CACNA1S: variants seen among roughly 807,000 people sequenced by gnomAD.
CACNA1S encodes the protein calcium voltage-gated channel subunit alpha1 S, also known as voltage-dependent L-type calcium channel subunit alpha-1S.
In CACNA1S, 126 loss-of-function variants were observed where a neutral mutation model predicts 207.4. The observed-to-expected ratio is 0.61, with a 90% CI of 0.53 to 0.70. The LOEUF is 0.70. Ranked by LOEUF, CACNA1S falls within the 30% of genes least tolerant of loss-of-function variation. The pLI is 0.00. For missense variants in CACNA1S, 2,349 were observed against 2,422.8 expected (o/e 0.97, Z 0.64); for synonymous variants, 960 against 932.7 (o/e 1.03, Z -0.53).
At chr1:201,081,492 C>T (rs964443794) in intron 10 of CACNA1S, among the ~76,000 whole-genome samples, 61 of 152,306 alleles carry the variant, frequency 4.0e-4, no homozygotes, top group African/African-American at 1.4e-3. Context: ...ACCATGTGGA[C>T]GAGGCCGACT....
chr1:201,087,325 G>T (rs1489019630), intron 7 of CACNA1S, among the ~76,000 whole-genome samples: 7 of 152,182 alleles, frequency 4.6e-5, no homozygotes, highest in Non-Finnish European at 1.0e-4. Flanking sequence ...AGCTCACACA[G>T]CCACCAAGCA....
chr1:201,053,154 C>A lies in CACNA1S; in HGVS notation c.3861+55G>T. ...TCAGGCTCCTCAGGGTCCACTGATG[C>A]CCCCTCTAACTTGGCCAAGATCCAT... On this transcript the variant is annotated intron_variant, in intron 31 of 43. Coordinates refer to ENST00000362061, the MANE Select transcript of CACNA1S (RefSeq NM_000069.3). The surrounding 1 kb of genome is among the most constrained non-coding windows in gnomAD (Gnocchi z 5.1). 1.3e-6 allele frequency: 2 copies of A among 1,585,544 alleles called. No homozygotes were observed. Among genetic ancestry groups the A allele is most frequent in the Non-Finnish European group, 1.7e-6 (2 of 1,154,030 alleles).
chr1:201,094,633 G>T lies in CACNA1S; in HGVS notation c.259-612C>A, dbSNP rs530629964. On this transcript the variant is annotated intron_variant, in intron 2 of 43. Coordinates refer to ENST00000362061, the MANE Select transcript of CACNA1S (RefSeq NM_000069.3). ...TCCAGATGCCTTCCCTTGCTGGGCA[G>T]TGTTGCTCTTTAATTCATTTTCCTT... 3.2e-3 allele frequency among the ~76,000 whole-genome samples: 480 copies of T among 152,266 alleles called. 2 individuals carry two copies. The highest frequency in any genetic ancestry group is 4.3e-3 in the Non-Finnish European group (290 of 68,020).
At chr1:201,046,591 G>A (rs2102552336) in intron 38 of CACNA1S, among the ~76,000 whole-genome samples, 1 of 151,788 alleles carries the variant, frequency 6.6e-6, no homozygotes, top group Middle Eastern at 3.4e-3. Flanking sequence ...CGCCCAGGCT[G>A]AGGTTCAGTG....
chr1:201,065,833 C>T lies in CACNA1S; in HGVS notation c.2853+5G>A. ...GGGGAGCTGCTCGCGCAGGCTGGGG[C>T]TCACCTTGAAGAGCTGGACGCCGAT... On this transcript the variant is annotated splice_donor_5th_base_variant and intron_variant, in intron 22 of 43. Coordinates refer to ENST00000362061, the MANE Select transcript of CACNA1S (RefSeq NM_000069.3). 6.2e-7 allele frequency: 1 copy of T among 1,609,618 alleles called. No homozygotes were observed. Among genetic ancestry groups the T allele is most frequent in the Non-Finnish European group, 8.5e-7 (1 of 1,175,896 alleles).
At position 201,061,082 on chromosome 1, in the gene CACNA1S, C is replaced by G. The variant is rs61451656; in HGVS notation, c.3255+185G>C. On this transcript the variant is annotated intron_variant, in intron 25 of 43. Transcript: ENST00000362061. Reference sequence around the variant, plus strand: ...CATCATGAGGTTCCACAAGAAGACCCACTCTACCAACTTGTATTGCTTCAG... The same window carrying G: ...CATCATGAGGTTCCACAAGAAGACCGACTCTACCAACTTGTATTGCTTCAG... Among the ~76,000 whole-genome samples, 638 of 152,300 alleles carry G rather than the reference C, an allele frequency of 4.2e-3. 5 individuals are homozygous for G. Among genetic ancestry groups the G allele is most frequent in the African/African-American group, 0.015 (612 of 41,570 alleles).
intron 10 of CACNA1S, among the ~76,000 whole-genome samples, chr1:201,080,277 C>T (rs114697229): frequency 3.7e-4 from 56 of 152,312 alleles, no homozygotes; most frequent in African/African-American, 1.3e-3. Flanking sequence ...GGATACTGCT[C>T]ATCCTCCCCC....
In CACNA1S at chr1:201,083,433, C is replaced by T. The variant is rs147434169; in HGVS notation, c.1233-111G>A. On this transcript the variant is annotated intron_variant, in intron 9 of 43. Coordinates refer to ENST00000362061, the MANE Select transcript of CACNA1S (RefSeq NM_000069.3). ...ATGCGTAGCCTGACCACCCCACTTC[C>T]GCCAGCCACATGAGAGAAGCTCAGG... 9.7e-3 allele frequency: 10,606 copies of T among 1,096,874 alleles called. 110 individuals carry two copies. The highest frequency in any genetic ancestry group is 0.01 in the Non-Finnish European group (7,377 of 715,480). The allele number at this position is 1,096,874 out of a possible 1,614,324, so 67.9% of individuals were successfully genotyped here.
At chr1:201,078,209 TC>T in intron 10 of CACNA1S, 105 bp from the exon 11 acceptor site, 1 of 897,672 alleles carries the variant, frequency 1.1e-6, no homozygotes, top group Non-Finnish European at 1.9e-6. Flanking sequence ...TTCCCTTGTT[TC>T]CAAGGCACCA....
intron 10 of CACNA1S, among the ~76,000 whole-genome samples, chr1:201,080,989 G>A (rs1446353850): frequency 6.6e-6 from 1 of 152,194 alleles, no homozygotes; most frequent in East Asian, 1.9e-4. Context: ...GCACTGATAG[G>A]ATTTTGATTT....
chr1:201,043,766 G>A lies in CACNA1S; in HGVS notation c.4798-235C>T, dbSNP rs567279302. Reference sequence around the variant, plus strand: ...CTAAGGAGGTATATAGGGGACACAGGCACACAGAAGAGAAGTGTGGTGTAG... The same window carrying A: ...CTAAGGAGGTATATAGGGGACACAGACACACAGAAGAGAAGTGTGGTGTAG... On this transcript the variant is annotated intron_variant, in intron 39 of 43. Transcript: ENST00000362061. Among the ~76,000 whole-genome samples, 27 of 152,304 alleles carry A rather than the reference G, an allele frequency of 1.8e-4. 1 individual carries two copies. Among genetic ancestry groups the A allele is most frequent in the African/African-American group, 6.0e-4 (25 of 41,572 alleles).
At chr1:201,046,389 C>T (rs1007519079) in intron 38 of CACNA1S, among the ~76,000 whole-genome samples, 1 of 152,148 alleles carries the variant, frequency 6.6e-6, no homozygotes, top group Admixed American at 6.5e-5. Flanking sequence ...CCATCTTGCC[C>T]AGGCTGGTCT....
At position 201,083,215 on chromosome 1, in the gene CACNA1S, A is replaced by G. The variant is rs1482731235; in HGVS notation, c.1340T>C (p.Leu447Pro). Residue 447 changes from leucine (L) to proline (P), a missense_variant, in exon 10 of 44, where the codon CTG becomes CCG. Physicochemically the swap from Leu to Pro is moderately conservative, Grantham distance 98. Coordinates refer to ENST00000362061, the MANE Select transcript of CACNA1S (RefSeq NM_000069.3). Reference sequence around the variant, plus strand: ...GTTGTGGTGCTCTGAGGCGATAGACAGGGTGTTGAGGGCAACGATGAGAAT... The same window carrying G: ...GTTGTGGTGCTCTGAGGCGATAGACGGGGTGTTGAGGGCAACGATGAGAAT... ...LVILIVALNT[L>P]SIASEHHNQP... is the part of the protein sequence containing the mutation. 31 of 1,614,086 alleles carry G rather than the reference A, an allele frequency of 1.9e-5. No individual in the cohort carries two copies. The highest frequency in any genetic ancestry group is 2.6e-5 in the Non-Finnish European group (31 of 1,180,054).
intron 1 of CACNA1S, among the ~76,000 whole-genome samples, chr1:201,111,182 G>A (rs917665098): frequency 1.3e-5 from 2 of 152,112 alleles, no homozygotes; most frequent in South Asian, 2.1e-4. Flanking sequence ...CCGCCTGGCC[G>A]AGAGCGGGTC....
At chr1:201,047,964 C>T (rs1223820982) in intron 36 of CACNA1S, among the ~76,000 whole-genome samples, 1 of 152,244 alleles carries the variant, frequency 6.6e-6, no homozygotes, top group African/African-American at 2.4e-5. Flanking sequence ...GGCAGACTTG[C>T]TGCAGCTCTA....
chr1:201,053,347 G>A lies in CACNA1S; in HGVS notation c.3796-73C>T. 8.1e-6 allele frequency: 13 copies of A among 1,609,996 alleles called. No individual in the cohort carries two copies. Among genetic ancestry groups the A allele is most frequent in the Non-Finnish European group, 1.1e-5 (13 of 1,176,566 alleles). On this transcript the variant is annotated intron_variant, in intron 30 of 43. Transcript: ENST00000362061. This position sits in a 1 kb window ranked among gnomAD's most constrained non-coding sequence, Gnocchi z 5.1. ...GTGTCTGCAGCCCTGCCCTCTGTTAGCTCCCCAGGGCTCTGCCTTGCCCAG... is the reference window on the plus strand; with the variant it reads ...GTGTCTGCAGCCCTGCCCTCTGTTAACTCCCCAGGGCTCTGCCTTGCCCAG...
At chr1:201,043,559 G>C in intron 39 of CACNA1S, 28 bp from the exon 40 acceptor site, 1 of 1,612,920 alleles carries the variant, frequency 6.2e-7, no homozygotes, top group African/African-American at 1.3e-5. Flanking sequence ...AGCAGTGACT[G>C]GGGGTGAGGG....
chr1:201,059,706 C>A lies in CACNA1S; in HGVS notation c.3415-407G>T, dbSNP rs111829064. Reference sequence around the variant, plus strand: ...TGGGTACAGGACTGGGAAAGAAGACCCCTGGATTCCATAGTCCATGTTATC... The same window carrying A: ...TGGGTACAGGACTGGGAAAGAAGACACCTGGATTCCATAGTCCATGTTATC... On this transcript the variant is annotated intron_variant, in intron 26 of 43. Transcript: ENST00000362061. Among the ~76,000 whole-genome samples, 1,163 of 152,208 alleles carry A rather than the reference C, an allele frequency of 7.6e-3. 24 individuals are homozygous for A. Among genetic ancestry groups the A allele is most frequent in the African/African-American group, 0.027 (1,123 of 41,498 alleles).
intron 5 of CACNA1S, among the ~76,000 whole-genome samples, chr1:201,090,979 G>A (rs998641966): frequency 4.6e-5 from 7 of 152,142 alleles, no homozygotes; most frequent in African/African-American, 1.4e-4. Context: ...TTCTTTAAAA[G>A]TGAATTAATA....
Sources: gnomAD v4.1 joint callset for allele counts (sites outside exome capture counted in the v4.1 genomes callset) on GRCh38, gnomAD v4.1.1 for gene constraint, Gnocchi (gnomAD v3.1) non-coding constraint, MANE v1.5 for transcripts, NCBI Gene and HGNC (gene_info 2026-07-23, HGNC 2026-07-21) for gene names.